THAP5: variants seen among roughly 807,000 people sequenced by gnomAD.
THAP5 encodes THAP domain containing 5.
In THAP5, 26 loss-of-function variants were observed where a neutral mutation model predicts 34.0. The observed-to-expected ratio is 0.77, with a 90% CI of 0.56 to 1.06. The LOEUF (loss-of-function observed/expected upper bound fraction) is 1.06. Ranked by LOEUF, THAP5 falls within the 50% of genes least tolerant of loss-of-function variation. THAP5 has a pLI of 0.00. For synonymous variants in THAP5, 125 were observed against 153.0 expected, an observed-to-expected ratio of 0.82 and a Z score of 1.35; for missense variants, 394 against 452.8, an observed-to-expected ratio of 0.87 and a Z score of 1.18.
At chr7:108,558,175 A>C (rs79870362), downstream of THAP5, among the ~76,000 whole-genome samples, 6,296 of 151,922 alleles carry the variant, frequency 0.041, 204 homozygotes, top group Non-Finnish European at 0.059. Flanking sequence ...ACAATTTGGC[A>C]TGAGATTTGG....
chr7:108,558,377 G>GTGTGTATATATATATATA (rs1401164750), downstream of THAP5, among the ~76,000 whole-genome samples: 97 of 62,964 alleles, frequency 1.5e-3, no homozygotes, highest in African/African-American at 3.2e-3. Flanking sequence ...ATGTGTGTGT[G>GTGTGTATATATATATATA]TATGTATATA....
chr7:108,558,483 C>T (rs948460097), downstream of THAP5, among the ~76,000 whole-genome samples: 25 of 148,272 alleles, frequency 1.7e-4, no homozygotes, highest in African/African-American at 5.0e-4. Context: ...GTGCAACCTC[C>T]GCCTCCTGGG....
the THAP5 span, among the ~76,000 whole-genome samples, chr7:108,542,326 G>A: frequency 2.0e-5 from 3 of 152,194 alleles, no homozygotes; most frequent in South Asian, 6.2e-4. Context: ...AATAATCATG[G>A]CACTCAGGTT....
the THAP5 span, among the ~76,000 whole-genome samples, chr7:108,543,344 C>A: frequency 2.0e-5 from 3 of 152,224 alleles, no homozygotes; most frequent in East Asian, 5.8e-4. Flanking sequence ...GCAAGAGGCC[C>A]AGGCAGAAGC....
downstream of THAP5, among the ~76,000 whole-genome samples, chr7:108,550,674 CT>C (rs1864347889): frequency 6.6e-6 from 1 of 152,204 alleles, no homozygotes; most frequent in South Asian, 2.1e-4. Context: ...CAGATGGCTA[CT>C]TTCTTCTGTG....
downstream of THAP5, among the ~76,000 whole-genome samples, chr7:108,557,174 G>A (rs549771965): frequency 4.0e-4 from 61 of 152,356 alleles, no homozygotes; most frequent in African/African-American, 1.4e-3. Context: ...TGTGATGGGA[G>A]GGGCTGCCAC....
At chr7:108,546,660 C>T in the THAP5 span, among the ~76,000 whole-genome samples, 3 of 152,206 alleles carry the variant, frequency 2.0e-5, no homozygotes, top group Non-Finnish European at 4.4e-5. Context: ...GTGCTCCATT[C>T]TCTATTCTTA....
At chr7:108,547,075 G>A in the THAP5 span, among the ~76,000 whole-genome samples, 46,904 of 151,974 alleles carry the variant, frequency 0.31, 7,607 homozygotes, top group Non-Finnish European at 0.35. Flanking sequence ...TGCTTCTTGA[G>A]CATATTATTT....
chr7:108,566,351 A>G (rs144538637), intron 1 of THAP5, among the ~76,000 whole-genome samples: 1 of 152,316 alleles, frequency 6.6e-6, no homozygotes, highest in Non-Finnish European at 1.5e-5. Context: ...TTCCATTTTT[A>G]TATTGCTGTA....
chr7:108,567,896 T>C (rs1243444511), intron 1 of THAP5, among the ~76,000 whole-genome samples: 1 of 152,252 alleles, frequency 6.6e-6, no homozygotes, highest in Admixed American at 6.5e-5. Context: ...CTTGCATTAT[T>C]TTTTCCTTCC....
chr7:108,559,579 G>A (rs1467563318), downstream of THAP5, among the ~76,000 whole-genome samples: 1 of 152,202 alleles, frequency 6.6e-6, no homozygotes, highest in Admixed American at 6.5e-5. Flanking sequence ...TGAATGAAGT[G>A]AGATTACTAT....
chr7:108,542,107 C>T, the THAP5 span, among the ~76,000 whole-genome samples: 146 of 152,166 alleles, frequency 9.6e-4, 1 homozygote, highest in African/African-American at 3.4e-3. Flanking sequence ...CATAGTTTGT[C>T]GAATTTGTAT....
downstream of THAP5, among the ~76,000 whole-genome samples, chr7:108,558,697 C>G (rs1374882238): frequency 1.3e-5 from 2 of 151,768 alleles, no homozygotes. Context: ...TGCCTGACCT[C>G]TAATTTTTTA....
intron 1 of THAP5, among the ~76,000 whole-genome samples, chr7:108,568,011 TAA>T (rs1457705146): frequency 6.6e-6 from 1 of 152,342 alleles, no homozygotes; most frequent in East Asian, 1.9e-4. Flanking sequence ...AATACGGGGT[TAA>T]ATCAAGTTCA....
chr7:108,543,769 C>A, the THAP5 span, among the ~76,000 whole-genome samples: 1 of 151,932 alleles, frequency 6.6e-6, no homozygotes, highest in South Asian at 2.1e-4. Flanking sequence ...TTTTTTATCC[C>A]AGTGATAGTT....
chr7:108,566,039 A>AAAG lies in THAP5; in HGVS notation c.81-20_81-18dup, dbSNP rs1185600849. The AAAG allele has an allele frequency of 6.7e-7, 1 of 1,495,646 alleles. No individual in the cohort carries two copies. Among genetic ancestry groups the AAAG allele is most frequent in the East Asian group, 2.5e-5 (1 of 40,470 alleles). The allele number at this position is 1,495,646 out of a possible 1,614,324, so 92.6% of individuals were successfully genotyped here. On this transcript the variant is annotated splice_polypyrimidine_tract_variant and intron_variant, in intron 1 of 2. Coordinates refer to ENST00000415914, the MANE Select transcript of THAP5 (RefSeq NM_001130475.3). Reference sequence around the variant, plus strand: ...AGAGGAAATCTGGAATTTAAAAAAAAAAGAAGAAAAAAGGAAAAACTTTGC... The same window carrying AAAG: ...AGAGGAAATCTGGAATTTAAAAAAAAAAGAAGAAGAAAAAAGGAAAAACTTTGC...
At chr7:108,569,744 CT>C, upstream of THAP5, 1 of 808,306 alleles carries the variant, frequency 1.2e-6, no homozygotes, top group South Asian at 1.7e-5. Context: ...TAAGCACCGC[CT>C]TTTCGGGGGT....
chr7:108,569,584 C>G lies in THAP5; in HGVS notation c.-15G>C. On this transcript the variant is annotated 5_prime_UTR_variant, in exon 1 of 3. Transcript: ENST00000415914. ...TAGCGGGGCATGACTCGGGTGAGGCCCCTGGAGACCGGGGCCGGCGACGGA... is the reference window on the plus strand; with the variant it reads ...TAGCGGGGCATGACTCGGGTGAGGCGCCTGGAGACCGGGGCCGGCGACGGA... The G allele has an allele frequency of 6.4e-7, 1 of 1,550,894 alleles. No homozygotes were observed. The highest frequency in any genetic ancestry group is 1.2e-5 in the South Asian group (1 of 84,044).
rs1864442211 is a variant in THAP5, at chr7:108,562,252, A to G, written c.*1939T>C. On this transcript the variant is annotated 3_prime_UTR_variant, in exon 3 of 3. Coordinates refer to ENST00000415914, the MANE Select transcript of THAP5 (RefSeq NM_001130475.3). ...TTGAAACTTAACATATCATTACTTT[A>G]TTGTGACTCAAGATTATTTTCATCT... 6.6e-6 allele frequency: 1 copy of G among 151,042 alleles called. No individual in the cohort carries two copies. Among genetic ancestry groups the G allele is most frequent in the Admixed American group, 6.6e-5 (1 of 15,144 alleles). 9.4% of individuals were successfully genotyped at this position (151,042 alleles called of 1,614,324 possible).
Sources: allele counts gnomAD v4.1 joint callset (sites outside exome capture counted in the v4.1 genomes callset), GRCh38; gene constraint gnomAD v4.1.1; transcripts MANE v1.5; gene names NCBI Gene and HGNC (gene_info 2026-07-23, HGNC 2026-07-21).